Variants in ATP1A3 observed in about 807,000 individuals in gnomAD.
ATP1A3 encodes sodium/potassium-transporting ATPase subunit alpha-3.
In ATP1A3, 12 loss-of-function variants were observed where a neutral mutation model predicts 108.8. That is an observed-to-expected ratio of 0.11 (90% CI 0.07 to 0.18). ATP1A3 has a LOEUF of 0.18. Ranked by LOEUF, ATP1A3 falls within the 10% of genes least tolerant of loss-of-function variation. ATP1A3 has a pLI of 1.00. For synonymous variants in ATP1A3, 539 were observed against 564.5 expected (o/e 0.95, Z 0.64); for missense variants, 498 against 1,387.7 (o/e 0.36, Z 10.19).
At chr19:41,992,415 C>T (rs2075349408) in intron 1 of ATP1A3, among the ~76,000 whole-genome samples, 1 of 152,132 alleles carries the variant, frequency 6.6e-6, no homozygotes, top group African/African-American at 2.4e-5. Context: ...AGCTCCTTGC[C>T]ATTTTCCATG....
chr19:41,990,192 C>A (rs2075323423), intron 1 of ATP1A3, among the ~76,000 whole-genome samples: 1 of 151,838 alleles, frequency 6.6e-6, no homozygotes, highest in South Asian at 2.1e-4. Context: ...CCTGTTTCAA[C>A]CTCTCTCTGT....
At position 41,968,019 on chromosome 19, in the gene ATP1A3, GAGAC is replaced by G. The variant is rs552326934; in HGVS notation, c.2820-260_2820-257del. ...AGACACAGAGACAGGGACAGACACA[GAGAC>G]AGACAGGGACAGACAGAGAGACAGA... On this transcript the variant is annotated intron_variant, in intron 20 of 22. Coordinates refer to ENST00000648268, the MANE Select transcript of ATP1A3 (RefSeq NM_152296.5). This position sits in a 1 kb window ranked among gnomAD's most constrained non-coding sequence, Gnocchi z 5.0. Among the ~76,000 whole-genome samples, 256 of 107,950 alleles carry G rather than the reference GAGAC, an allele frequency of 2.4e-3. No homozygotes were observed. The highest frequency in any genetic ancestry group is 9.7e-3 in the African/African-American group (240 of 24,832). The allele number at this position is 107,950 out of a possible 152,430, so 70.8% of individuals were successfully genotyped here.
chr19:41,992,828 G>C (rs1203202759), intron 1 of ATP1A3: 1 of 152,622 alleles, frequency 6.6e-6, no homozygotes, highest in African/African-American at 2.4e-5. Context: ...TCCCCACTCC[G>C]TTTCCTAAGA....
In ATP1A3 at chr19:41,987,875, G is replaced by A; in HGVS notation, c.357+61C>T. The A allele has an allele frequency of 2.5e-6, 4 of 1,581,602 alleles. No homozygotes were observed. In the South Asian group the frequency reaches 4.4e-5, roughly 17 times the overall value. ...AGCTTAGAGGGATGGGAAGAAGTTG[G>A]GGTGCGGTGTCCGTAAATAAATGTG... On this transcript the variant is annotated intron_variant, in intron 4 of 22. Coordinates refer to ENST00000648268, the MANE Select transcript of ATP1A3 (RefSeq NM_152296.5).
chr19:41,987,460 C>T (rs1198265459), intron 4 of ATP1A3, among the ~76,000 whole-genome samples: 3 of 151,990 alleles, frequency 2.0e-5, no homozygotes, highest in African/African-American at 4.8e-5. Context: ...CGTGCACATG[C>T]GTGTGTGTGC....
intron 5 of ATP1A3, 46 bp from the exon 6 acceptor site, chr19:41,986,044 G>A: frequency 6.2e-7 from 1 of 1,614,104 alleles, no homozygotes. Context: ...CCCTCTGCCT[G>A]GGGGTCACTG....
rs562255004 is a variant in ATP1A3 at position 41,985,506 on chromosome 19, C to A, written c.607-83G>T. Reference sequence around the variant, plus strand: ...TTGTGTACAGGGCTTGGGGCTGAAGCCTGTGTGCCTGGAGATCACAGCTAG... The same window carrying A: ...TTGTGTACAGGGCTTGGGGCTGAAGACTGTGTGCCTGGAGATCACAGCTAG... On this transcript the variant is annotated intron_variant, in intron 6 of 22. Transcript: ENST00000648268. The surrounding 1 kb of genome is among the most constrained non-coding windows in gnomAD (Gnocchi z 8.2). 4.5e-6 allele frequency: 6 copies of A among 1,338,412 alleles called. No individual in the cohort carries two copies. The highest frequency in any genetic ancestry group is 3.6e-5 in the South Asian group (3 of 84,208). The allele number at this position is 1,338,412 out of a possible 1,614,324, so 82.9% of individuals were successfully genotyped here. A position where few individuals can be genotyped will look rare whatever the true frequency, so the allele number is the denominator to read the frequency against.
At position 41,978,856 on chromosome 19, in the gene ATP1A3, G is replaced by GC; in HGVS notation, c.1438-59dup. On this transcript the variant is annotated intron_variant, in intron 11 of 22. Transcript: ENST00000648268. The surrounding 1 kb of genome is among the most constrained non-coding windows in gnomAD (Gnocchi z 8.3). ...CCACGCAGACACCAGGAAGCTCCCT[G>GC]CCCCATCCTGTCCCCTGTCCAGAGC... The GC allele has an allele frequency of 3.2e-6, 5 of 1,580,036 alleles. No homozygotes were observed. In the South Asian group the frequency reaches 5.6e-5, roughly 18 times the overall value.
At chr19:41,970,362 C>T in intron 17 of ATP1A3, 26 bp downstream of exon 17, 2 of 1,614,210 alleles carry the variant, frequency 1.2e-6, no homozygotes, top group South Asian at 1.1e-5. Flanking sequence ...CCCTCCTGGG[C>T]CCCAAGGGTG....
chr19:41,980,991 G>A (rs2075224864), intron 11 of ATP1A3, among the ~76,000 whole-genome samples: 1 of 149,994 alleles, frequency 6.7e-6, no homozygotes, highest in Non-Finnish European at 1.5e-5. Context: ...ACTCTCTGCT[G>A]TAGGAAAACT....
At chr19:41,972,151 G>A (rs1458930923) in intron 16 of ATP1A3, among the ~76,000 whole-genome samples, 1 of 152,166 alleles carries the variant, frequency 6.6e-6, no homozygotes, top group Non-Finnish European at 1.5e-5. Flanking sequence ...TTGGGAGGCT[G>A]AGGCAGGAGA....
chr19:41,978,519 G>A lies in ATP1A3; in HGVS notation c.1630+87C>T. ...TTCATTCATTTACAGTATATTCTGG[G>A]AGGCCCTGGGCTGAGACAGGCTTTG... On this transcript the variant is annotated intron_variant, in intron 12 of 22. Transcript: ENST00000648268. This position sits in a 1 kb window ranked among gnomAD's most constrained non-coding sequence, Gnocchi z 8.3. The A allele has an allele frequency of 6.4e-7, 1 of 1,565,638 alleles. No individual in the cohort carries two copies. The highest frequency in any genetic ancestry group is 8.7e-7 in the Non-Finnish European group (1 of 1,147,044).
chr19:41,970,627 T>A, intron 16 of ATP1A3, 85 bp from the exon 17 acceptor site: 9 of 141,184 alleles, frequency 6.4e-5, no homozygotes, highest in Non-Finnish European at 8.9e-5. Context: ...TCCAACGTCC[T>A]TTTTTTTTTT....
intron 1 of ATP1A3, among the ~76,000 whole-genome samples, chr19:41,989,834 G>A (rs193278469): frequency 1.1e-3 from 156 of 148,316 alleles, no homozygotes; most frequent in African/African-American, 3.2e-3. Context: ...TCTCTCTATC[G>A]CTCTGATCTC....
chr19:41,978,523 C>T lies in ATP1A3; in HGVS notation c.1630+83G>A, dbSNP rs2075196756. 3.2e-6 allele frequency: 5 copies of T among 1,576,190 alleles called. No homozygotes were observed. The highest frequency in any genetic ancestry group is 4.3e-6 in the Non-Finnish European group (5 of 1,155,974). On this transcript the variant is annotated intron_variant, in intron 12 of 22. Coordinates refer to ENST00000648268, the MANE Select transcript of ATP1A3 (RefSeq NM_152296.5). This position sits in a 1 kb window ranked among gnomAD's most constrained non-coding sequence, Gnocchi z 8.3. Reference sequence around the variant, plus strand: ...TTCATTTACAGTATATTCTGGGAGGCCCTGGGCTGAGACAGGCTTTGGGCA... The same window carrying T: ...TTCATTTACAGTATATTCTGGGAGGTCCTGGGCTGAGACAGGCTTTGGGCA...
At chr19:41,979,635 G>A (rs2075209497) in intron 11 of ATP1A3, among the ~76,000 whole-genome samples, 1 of 152,128 alleles carries the variant, frequency 6.6e-6, no homozygotes, top group Non-Finnish European at 1.5e-5. Flanking sequence ...GAAATGTCCA[G>A]AATAGGCAAA....
At chr19:41,973,905 A>C (rs1294640746) in intron 16 of ATP1A3, among the ~76,000 whole-genome samples, 2 of 152,084 alleles carry the variant, frequency 1.3e-5, no homozygotes, top group Non-Finnish European at 2.9e-5. Flanking sequence ...GCAAATTGGG[A>C]GGCCAAGGTG....
rs781968612 is a variant in ATP1A3 at position 41,988,434 on chromosome 19, G to A, written c.93+42C>T. 33 of 1,614,076 alleles carry A rather than the reference G, an allele frequency of 2.0e-5. No individual in the cohort carries two copies. Among genetic ancestry groups the A allele is most frequent in the South Asian group, 4.4e-5 (4 of 91,090 alleles). On this transcript the variant is annotated intron_variant, in intron 2 of 22. Coordinates refer to ENST00000648268, the MANE Select transcript of ATP1A3 (RefSeq NM_152296.5). The surrounding 1 kb of genome is among the most constrained non-coding windows in gnomAD (Gnocchi z 5.3). ...GTGCCTAGGCCAGCCAAGAACTGGC[G>A]AGGTTCTCTGGGAGGGTGTGCGGGC...
At chr19:41,969,652 G>C (rs2075081015) in intron 18 of ATP1A3, 72 bp from the exon 19 acceptor site, 1 of 1,590,710 alleles carries the variant, frequency 6.3e-7, no homozygotes, top group Non-Finnish European at 8.6e-7. Context: ...GCACCTCAGA[G>C]GGCCCGGAGG....
Sources: allele counts gnomAD v4.1 joint callset (sites outside exome capture counted in the v4.1 genomes callset), GRCh38; gene constraint gnomAD v4.1.1; non-coding constraint Gnocchi (gnomAD v3.1); transcripts MANE v1.5; gene names NCBI Gene and HGNC (gene_info 2026-07-23, HGNC 2026-07-21).